Variants in FAM53B observed in about 807,000 individuals in gnomAD.
The protein encoded by FAM53B is family with sequence similarity 53 member B.
In FAM53B, 12 loss-of-function variants were observed where a neutral mutation model predicts 32.7. That is an observed-to-expected ratio of 0.37 (90% CI 0.24 to 0.59). The LOEUF (loss-of-function observed/expected upper bound fraction) is 0.59, where lower values mean the gene tolerates loss of function less well. FAM53B is among the 20% of genes least tolerant of loss of function. The probability of loss-of-function intolerance (pLI) is 0.72; values close to 1 mark genes in which losing one functional copy is unlikely to be tolerated. For missense variants in FAM53B, 477 were observed against 577.7 expected, an observed-to-expected ratio of 0.83 and a Z score of 1.79; for synonymous variants, 234 against 228.7, an observed-to-expected ratio of 1.02 and a Z score of -0.21.
At chr10:124,720,172 A>C (rs1461312533) in intron 1 of FAM53B, among the ~76,000 whole-genome samples, 2 of 151,874 alleles carry the variant, frequency 1.3e-5, no homozygotes, top group African/African-American at 4.8e-5. Flanking sequence ...TAAAAAAAAA[A>C]AAAAAAACAA....
rs562021066 is a variant in FAM53B at position 124,630,159 on chromosome 10, T to C, written c.907-6555A>G. Among the ~76,000 whole-genome samples the C allele has an allele frequency of 8.0e-4, 122 of 152,322 alleles. 2 individuals carry two copies. In the South Asian group the frequency reaches 0.025, roughly 31 times the overall value. Reference sequence around the variant, plus strand: ...CAAGCGGGGTGGCTCACACCTGTCATCCCACAACTTTGGGAGGCCAAGGCA... The same window carrying C: ...CAAGCGGGGTGGCTCACACCTGTCACCCCACAACTTTGGGAGGCCAAGGCA... On this transcript the variant is annotated intron_variant, in intron 4 of 4. Transcript: ENST00000337318.
intron 4 of FAM53B, among the ~76,000 whole-genome samples, chr10:124,648,881 G>A (rs1486473764): frequency 6.6e-6 from 1 of 152,380 alleles, no homozygotes; most frequent in South Asian, 2.1e-4. Flanking sequence ...CGAATGTGCA[G>A]CGTCACTGGA....
At chr10:124,632,017 C>G (rs1388428945) in intron 4 of FAM53B, among the ~76,000 whole-genome samples, 1 of 152,220 alleles carries the variant, frequency 6.6e-6, no homozygotes, top group Non-Finnish European at 1.5e-5. Context: ...GCCCTCCCAA[C>G]TGGGCCTCTG....
At chr10:124,726,722 T>C (rs906426628) in intron 1 of FAM53B, among the ~76,000 whole-genome samples, 3 of 152,156 alleles carry the variant, frequency 2.0e-5, no homozygotes, top group Non-Finnish European at 2.9e-5. Flanking sequence ...ATAGGAGGGA[T>C]TGCTATTAGA....
intron 4 of FAM53B, among the ~76,000 whole-genome samples, chr10:124,663,454 C>G (rs1010930453): frequency 6.6e-6 from 1 of 152,252 alleles, no homozygotes; most frequent in Non-Finnish European, 1.5e-5. Context: ...CAGGCCCAAT[C>G]CGTCCCCAGC....
rs1186154610 is a variant in FAM53B at position 124,696,223 on chromosome 10, C to T, written c.79-11G>A. ...CTTCTTTGGCGTGTGCTGAAAACAA[C>T]CAGAAAAGCTATTCACTCTTCAAAT... On this transcript the variant is annotated splice_polypyrimidine_tract_variant and intron_variant, in intron 2 of 4. Coordinates refer to ENST00000337318, the MANE Select transcript of FAM53B (RefSeq NM_014661.4). 1.9e-6 allele frequency: 3 copies of T among 1,613,056 alleles called. No individual in the cohort carries two copies. The highest frequency in any genetic ancestry group is 1.1e-5 in the South Asian group (1 of 91,066).
At chr10:124,702,886 G>A (rs1274857897) in intron 2 of FAM53B, among the ~76,000 whole-genome samples, 3 of 152,204 alleles carry the variant, frequency 2.0e-5, no homozygotes, top group Middle Eastern at 3.4e-3. Flanking sequence ...GGGAGTCCTC[G>A]CTCTTCTAGT....
chr10:124,710,126 C>T (rs1266690964), intron 1 of FAM53B, among the ~76,000 whole-genome samples: 1 of 152,192 alleles, frequency 6.6e-6, no homozygotes, highest in Non-Finnish European at 1.5e-5. Flanking sequence ...ACACAGGGCA[C>T]GCAGAGGGCA....
At chr10:124,736,698 G>A (rs747603334) in intron 1 of FAM53B, among the ~76,000 whole-genome samples, 4 of 152,254 alleles carry the variant, frequency 2.6e-5, no homozygotes, top group East Asian at 1.9e-4. Flanking sequence ...CACGGGGTGG[G>A]GGCAGGCAGC....
In FAM53B at chr10:124,706,867, T is replaced by C. The variant is rs529088131; in HGVS notation, c.-154A>G. 19 of 1,465,964 alleles carry C rather than the reference T, an allele frequency of 1.3e-5. No homozygotes were observed. The highest frequency in any genetic ancestry group is 1.6e-5 in the Non-Finnish European group (18 of 1,111,436). The allele number at this position is 1,465,964 out of a possible 1,614,324, so 90.8% of individuals were successfully genotyped here. ...CTTGGGGTGGGGCCCTTCTGGGAAA[T>C]GGCCAAATGTGGTCAACTCCCTGGA... is the stretch of plus-strand genomic sequence containing the variant. On this transcript the variant is annotated 5_prime_UTR_variant, in exon 2 of 5. Coordinates refer to ENST00000337318, the MANE Select transcript of FAM53B (RefSeq NM_014661.4).
rs5788679 is a variant in FAM53B at position 124,692,714 on chromosome 10, CAAAAAAAAAAA to C, written c.133+3433_133+3443del. Among the ~76,000 whole-genome samples the C allele has an allele frequency of 1.3e-4, 9 of 69,058 alleles. No homozygotes were observed. In the South Asian group the frequency reaches 2.3e-3, roughly 18 times the overall value. 45.3% of individuals were successfully genotyped at this position (69,058 alleles called of 152,430 possible). ...TAGGAGACAGAGCGATACTCCATCT[CAAAAAAAAAAA>C]AAAAAAAAAAAAAAGGCATTGTTGT... is the stretch of plus-strand genomic sequence containing the variant. On this transcript the variant is annotated intron_variant, in intron 3 of 4. Coordinates refer to ENST00000337318, the MANE Select transcript of FAM53B (RefSeq NM_014661.4).
At chr10:124,738,636 A>T (rs138684616) in intron 1 of FAM53B, among the ~76,000 whole-genome samples, 1 of 152,122 alleles carries the variant, frequency 6.6e-6, no homozygotes, top group East Asian at 1.9e-4. Context: ...GCCGCTGCCC[A>T]GCCCTGGCTG....
chr10:124,647,422 A>T (rs1342848859), intron 4 of FAM53B, among the ~76,000 whole-genome samples: 1 of 152,136 alleles, frequency 6.6e-6, no homozygotes, highest in African/African-American at 2.4e-5. Flanking sequence ...CAGAGTGTTG[A>T]TCTGTACATT....
At chr10:124,723,009 C>T (rs1490718036) in intron 1 of FAM53B, among the ~76,000 whole-genome samples, 5 of 152,224 alleles carry the variant, frequency 3.3e-5, no homozygotes, top group African/African-American at 1.2e-4. Context: ...TCTCAGCCTC[C>T]AGACTCTCTA....
intron 3 of FAM53B, among the ~76,000 whole-genome samples, chr10:124,692,342 A>G (rs1949838731): frequency 6.6e-6 from 1 of 152,172 alleles, no homozygotes; most frequent in Non-Finnish European, 1.5e-5. Context: ...GGTAGGGGAC[A>G]AGAGTGGGGA....
At chr10:124,722,008 G>C (rs1037399701) in intron 1 of FAM53B, among the ~76,000 whole-genome samples, 5 of 152,218 alleles carry the variant, frequency 3.3e-5, no homozygotes, top group African/African-American at 1.2e-4. Flanking sequence ...GTAAAAAGCA[G>C]AACAGAGGAG....
At position 124,667,854 on chromosome 10, in the gene FAM53B, T is replaced by TGCAC. The variant is rs1949682612; in HGVS notation, c.906+13749_906+13752dup. ...GGTGCTGAGCCTCTCCAGGGGGTAC[T>TGCAC]GCACAGCTGCCTGCTGTAGGAGCTC... On this transcript the variant is annotated intron_variant, in intron 4 of 4. Coordinates refer to ENST00000337318, the MANE Select transcript of FAM53B (RefSeq NM_014661.4). 2.0e-5 allele frequency among the ~76,000 whole-genome samples: 3 copies of TGCAC among 152,224 alleles called. 1 individual carries two copies. The South Asian group carries it at 6.2e-4, about 31-fold the overall frequency.
intron 4 of FAM53B, among the ~76,000 whole-genome samples, chr10:124,633,642 T>C (rs1410954472): frequency 2.6e-5 from 4 of 152,124 alleles, no homozygotes; most frequent in East Asian, 3.8e-4. Flanking sequence ...TGTTCTGAAA[T>C]AGACCCAGTT....
chr10:124,648,480 A>T (rs1374530870), intron 4 of FAM53B, among the ~76,000 whole-genome samples: 1 of 152,064 alleles, frequency 6.6e-6, no homozygotes, highest in Non-Finnish European at 1.5e-5. Context: ...GCTCCTTGGG[A>T]GCCTCCCCCA....
Sources: allele counts gnomAD v4.1 joint callset (sites outside exome capture counted in the v4.1 genomes callset), GRCh38; gene constraint gnomAD v4.1.1; transcripts MANE v1.5; gene names NCBI Gene and HGNC (gene_info 2026-07-23, HGNC 2026-07-21).